The following SEC24D variants were observed in gnomAD, a reference collection of about 807,000 sequenced individuals.
The protein encoded by SEC24D is SEC24 homolog D, COPII component.
In SEC24D, 69 loss-of-function variants were observed where a neutral mutation model predicts 116.9. That is an observed-to-expected ratio of 0.59 (90% confidence interval 0.49 to 0.72). The LOEUF is 0.72. Among genes scored for constraint, SEC24D ranks in the 30% least tolerant of loss-of-function variants. The pLI, the probability that SEC24D is intolerant of heterozygous loss-of-function variation, is 0.00. For synonymous variants in SEC24D, 405 were observed against 442.8 expected (o/e 0.91, Z 1.07); for missense variants, 1,131 against 1,264.1 (o/e 0.89, Z 1.60).
chr4:118,750,478 T>G (rs1234724383), intron 13 of SEC24D, among the ~76,000 whole-genome samples: 2 of 152,152 alleles, frequency 1.3e-5, no homozygotes, highest in African/African-American at 4.8e-5. Flanking sequence ...TCTACTATGC[T>G]CTCTTAATTG....
intron 9 of SEC24D, among the ~76,000 whole-genome samples, chr4:118,766,268 C>A (rs530962072): frequency 6.6e-6 from 1 of 152,206 alleles, no homozygotes; most frequent in Non-Finnish European, 1.5e-5. Context: ...TGGCCCCTGT[C>A]TTCCTGCATG....
rs1292810075 is a variant in SEC24D at position 118,778,470 on chromosome 4, C to T, written c.1042-10159G>A. ...TGTTCTGTTCCACTGGTCTATATCT[C>T]TGTTTTGGTACCAGTACCACGCTGA... On this transcript the variant is annotated intron_variant, in intron 8 of 22. Coordinates refer to ENST00000280551, the MANE Select transcript of SEC24D (RefSeq NM_014822.4). Among the ~76,000 whole-genome samples the T allele has an allele frequency of 2.6e-5, 4 of 152,148 alleles. No homozygotes were observed. In the East Asian group the frequency reaches 7.7e-4, roughly 29 times the overall value.
At position 118,746,170 on chromosome 4, in the gene SEC24D, T is replaced by C. The variant is rs139783731; in HGVS notation, c.1708-1110A>G. Among the ~76,000 whole-genome samples the C allele has an allele frequency of 8.4e-3, 1,082 of 128,464 alleles. 10 individuals carry two copies. Among genetic ancestry groups the C allele is most frequent in the African/African-American group, 0.03 (1,038 of 34,356 alleles). 84.3% of individuals were successfully genotyped at this position (128,464 alleles called of 152,430 possible). On this transcript the variant is annotated intron_variant, in intron 13 of 22. Coordinates refer to ENST00000280551, the MANE Select transcript of SEC24D (RefSeq NM_014822.4). ...CAGCCTAGGTGACAGCAAGATCCTG[T>C]CTCAAACAAAGGAAGAAAAGGAGGA...
intron 6 of SEC24D, among the ~76,000 whole-genome samples, chr4:118,810,589 GC>G (rs1729881356): frequency 6.6e-6 from 1 of 152,222 alleles, no homozygotes; most frequent in Non-Finnish European, 1.5e-5. Context: ...ACTTTAGTGT[GC>G]CTAGGAATCA....
At chr4:118,779,092 A>C (rs1291735227) in intron 8 of SEC24D, among the ~76,000 whole-genome samples, 3 of 152,132 alleles carry the variant, frequency 2.0e-5, no homozygotes, top group African/African-American at 4.8e-5. Flanking sequence ...AATACGCTTT[A>C]TTTCTTTCCC....
At position 118,811,714 on chromosome 4, in the gene SEC24D, TTAAAA is replaced by T. The variant is rs566351790; in HGVS notation, c.801+3309_801+3313del. 1.5e-3 allele frequency among the ~76,000 whole-genome samples: 235 copies of T among 152,350 alleles called. 1 individual carries two copies. Among genetic ancestry groups the T allele is most frequent in the African/African-American group, 5.3e-3 (222 of 41,582 alleles). On this transcript the variant is annotated intron_variant, in intron 6 of 22. Transcript: ENST00000280551. The stretch of plus-strand genomic sequence containing the variant: ...CCCCATAATGAAGTAAAACCATTAC[TTAAAA>T]TAAATCTCCCTCCTTCTTTCTTTTA...
Position 118,728,554 on chromosome 4 carries a change from T to C in SEC24D, c.2958+7A>G, listed in dbSNP as rs781744895. ...GAATAAAGGGAAAAATAAAATTGCT[T>C]TCTTACCTTCATTGAATATGGCCTC... On this transcript the variant is annotated splice_region_variant and intron_variant, in intron 22 of 22. Transcript: ENST00000280551. The C allele has an allele frequency of 1.3e-5, 21 of 1,565,134 alleles. No homozygotes were observed. Among genetic ancestry groups the C allele is most frequent in the Non-Finnish European group, 1.8e-5 (21 of 1,142,528 alleles).
chr4:118,733,098 A>C (rs1725777422), intron 19 of SEC24D, 186 bp from the exon 20 acceptor site: 1 of 547,434 alleles, frequency 1.8e-6, no homozygotes, highest in East Asian at 3.2e-5. Context: ...AAAGAGCAGC[A>C]GTTGTTTTTA....
chr4:118,775,363 A>AG (rs937017925), intron 8 of SEC24D, among the ~76,000 whole-genome samples: 4 of 151,692 alleles, frequency 2.6e-5, no homozygotes, highest in Non-Finnish European at 2.9e-5. Context: ...AAAAAAAAAA[A>AG]AAGAAGAAAT....
At chr4:118,791,681 C>T (rs1352650335) in intron 8 of SEC24D, among the ~76,000 whole-genome samples, 2 of 152,136 alleles carry the variant, frequency 1.3e-5, no homozygotes, top group Admixed American at 6.5e-5. Flanking sequence ...CGCGCCGCCA[C>T]GCCTGACTGG....
At chr4:118,730,238 T>C (rs1309288511) in intron 21 of SEC24D, 28 of 152,266 alleles carry the variant, frequency 1.8e-4, no homozygotes, top group Admixed American at 1.8e-3. Context: ...TACTGAATTT[T>C]ATTTTTTTAA....
chr4:118,743,924 T>C, intron 15 of SEC24D, 64 bp downstream of exon 15: 2 of 1,431,130 alleles, frequency 1.4e-6, no homozygotes, highest in Admixed American at 2.2e-5. Flanking sequence ...TTTAAACCTA[T>C]AATCTAAACA....
intron 1 of SEC24D, 86 bp downstream of exon 1, chr4:118,835,855 G>A: frequency 6.5e-6 from 1 of 153,436 alleles, no homozygotes; most frequent in South Asian, 2.1e-4. Context: ...CTCCCGCCGC[G>A]TCCCCGGGCC....
At position 118,723,489 on chromosome 4, in the gene SEC24D, C is replaced by T. The variant is rs374214917; in HGVS notation, c.*26G>A. On this transcript the variant is annotated 3_prime_UTR_variant, in exon 23 of 23. Transcript: ENST00000280551. ...GAAGGAGATTATCTCCTTGGAAATG[C>T]AACATCAATGACAGAGAAGTTTCAA... 1.6e-5 allele frequency: 25 copies of T among 1,593,764 alleles called. No individual in the cohort carries two copies. The highest frequency in any genetic ancestry group is 1.2e-5 in the South Asian group (1 of 86,300).
chr4:118,828,300 G>A (rs139096012), intron 2 of SEC24D, among the ~76,000 whole-genome samples: 6,656 of 152,002 alleles, frequency 0.044, 202 homozygotes, highest in Non-Finnish European at 0.064. Context: ...TAGTAGAGAC[G>A]GCGTTTCACC....
intron 8 of SEC24D, among the ~76,000 whole-genome samples, chr4:118,795,590 CT>C (rs1488190735): frequency 6.6e-6 from 1 of 152,196 alleles, no homozygotes; most frequent in Non-Finnish European, 1.5e-5. Flanking sequence ...AAGAAACAGA[CT>C]GTTGATACAT....
At chr4:118,794,224 C>A (rs1043916990) in intron 8 of SEC24D, among the ~76,000 whole-genome samples, 2 of 151,816 alleles carry the variant, frequency 1.3e-5, no homozygotes, top group African/African-American at 4.8e-5. Flanking sequence ...ATTGAAATGC[C>A]AGGTTTTATT....
intron 2 of SEC24D, among the ~76,000 whole-genome samples, chr4:118,832,746 G>C: frequency 2.0e-5 from 3 of 152,022 alleles, no homozygotes; most frequent in Middle Eastern, 6.8e-3. Context: ...GCCAGATTTC[G>C]ACACATCATA....
rs1335622777 is a variant in SEC24D, at chr4:118,742,864, C to T, written c.1995+1124G>A. 2.0e-5 allele frequency among the ~76,000 whole-genome samples: 3 copies of T among 152,174 alleles called. No homozygotes were observed. The East Asian group carries it at 5.8e-4, about 29-fold the overall frequency. Reference sequence around the variant, plus strand: ...TTTGGGAAAAGGAACTGGGTGGGCACAGCCCAGCCTCTTCTGGGTCCTCTC... The same window carrying T: ...TTTGGGAAAAGGAACTGGGTGGGCATAGCCCAGCCTCTTCTGGGTCCTCTC... On this transcript the variant is annotated intron_variant, in intron 15 of 22. Transcript: ENST00000280551.
Sources: gnomAD v4.1 joint callset for allele counts (sites outside exome capture counted in the v4.1 genomes callset) on GRCh38, gnomAD v4.1.1 for gene constraint, MANE v1.5 for transcripts, NCBI Gene and HGNC (gene_info 2026-07-23, HGNC 2026-07-21) for gene names.